Variants in FRY observed in about 807,000 individuals in gnomAD.
FRY encodes FRY microtubule binding protein, also known as protein furry homolog.
In FRY, 128 loss-of-function variants were observed where a neutral mutation model predicts 348.4. The ratio of observed to expected loss-of-function variants is 0.37; its 90% CI spans 0.32 to 0.43. The LOEUF (loss-of-function observed/expected upper bound fraction) is 0.43. Among genes scored for constraint, FRY ranks in the 20% least tolerant of loss-of-function variants. The pLI, the probability that FRY is intolerant of heterozygous loss-of-function variation, is 1.00. For synonymous variants in FRY, 1,370 were observed against 1,374.7 expected, an observed-to-expected ratio of 1.00 and a Z score of 0.08; for missense variants, 2,736 against 3,695.2, an observed-to-expected ratio of 0.74 and a Z score of 6.73.
chr13:32,201,972 AACCTTGTTCT>A lies in FRY; in HGVS notation c.3780_3789del (p.Leu1261SerfsTer78). On this transcript the variant is annotated frameshift_variant, in exon 30 of 61. Coordinates refer to ENST00000542859, the MANE Select transcript of FRY (RefSeq NM_023037.3). LOFTEE classifies it high-confidence loss of function. ...TCCCTTCGACATAGTGACATTGTTA[AACCTTGTTCT>A]ATTCAAGGCCTCTGACACCAACAGA... 6.2e-7 allele frequency: 1 copy of A among 1,604,110 alleles called. No homozygotes were observed. Among genetic ancestry groups the A allele is most frequent in the Non-Finnish European group, 8.5e-7 (1 of 1,171,010 alleles).
At chr13:32,155,802 T>C (rs1881072314) in intron 15 of FRY, 140 bp downstream of exon 15, 1 of 623,188 alleles carries the variant, frequency 1.6e-6, no homozygotes, top group Non-Finnish European at 2.8e-6. Flanking sequence ...ATTGTTTTGA[T>C]TGATTCATGC....
At chr13:32,087,277 A>G (rs149003277) in intron 2 of FRY, among the ~76,000 whole-genome samples, 25 of 152,352 alleles carry the variant, frequency 1.6e-4, no homozygotes, top group African/African-American at 6.0e-4. Flanking sequence ...CAATTAGCTA[A>G]TGACAGCATT....
chr13:32,196,837 A>G (rs1883706457), intron 29 of FRY, among the ~76,000 whole-genome samples: 3 of 152,212 alleles, frequency 2.0e-5, no homozygotes, highest in Admixed American at 2.0e-4. Context: ...ATTTAGTACA[A>G]AAAATTGCTT....
intron 11 of FRY, among the ~76,000 whole-genome samples, chr13:32,144,089 G>T (rs1167234920): frequency 6.6e-6 from 1 of 151,882 alleles, no homozygotes; most frequent in Non-Finnish European, 1.5e-5. Flanking sequence ...CGAGTAGTCA[G>T]AATTTCTGAA....
At chr13:32,066,565 A>G (rs895042444) in intron 1 of FRY, among the ~76,000 whole-genome samples, 3 of 152,202 alleles carry the variant, frequency 2.0e-5, no homozygotes, top group Non-Finnish European at 2.9e-5. Flanking sequence ...CACCTTAATC[A>G]TCATAACAAG....
Position 32,278,484 on chromosome 13 carries a change from C to A in FRY, c.8405C>A (p.Ala2802Glu). The A allele has an allele frequency of 6.3e-7, 1 of 1,591,940 alleles. No homozygotes were observed. Among genetic ancestry groups the A allele is most frequent in the Non-Finnish European group, 8.6e-7 (1 of 1,159,890 alleles). The change falls in exon 58 of 61, where the codon GCA becomes GAA. Residue 2802 changes from alanine to glutamate, a missense_variant. Coordinates refer to ENST00000542859, the MANE Select transcript of FRY (RefSeq NM_023037.3). ...ATLSWLANCK[A>E]TFAGGSRDGV... Reference sequence around the variant, plus strand: ...TGACAGTGGCTTGCAAATTGTAAGGCAACATTTGCAGGGGGATCAAGAGAT... The same window carrying A: ...TGACAGTGGCTTGCAAATTGTAAGGAAACATTTGCAGGGGGATCAAGAGAT...
chr13:32,295,658 C>T lies in FRY; in HGVS notation c.*198C>T, dbSNP rs77761049. 2.7e-3 allele frequency: 1,654 copies of T among 607,718 alleles called. 23 individuals are homozygous for T. The highest frequency in any genetic ancestry group is 0.026 in the African/African-American group (1,404 of 54,216). The allele number at this position is 607,718 out of a possible 1,614,324, so 37.6% of individuals were successfully genotyped here. On this transcript the variant is annotated 3_prime_UTR_variant, in exon 61 of 61. Transcript: ENST00000542859. The stretch of plus-strand genomic sequence containing the variant: ...TAAGAACCAAGGTAGCTTAGAACGT[C>T]CTGGACAGACTCCACTCATCATGCT...
At chr13:32,137,762 A>G (rs1325361993) in intron 11 of FRY, among the ~76,000 whole-genome samples, 1 of 152,210 alleles carries the variant, frequency 6.6e-6, no homozygotes, top group Non-Finnish European at 1.5e-5. Context: ...TACCAGTTTG[A>G]TATTAGCTGC....
chr13:32,168,753 A>T (rs959558941), intron 17 of FRY, among the ~76,000 whole-genome samples: 1 of 152,228 alleles, frequency 6.6e-6, no homozygotes, highest in Non-Finnish European at 1.5e-5. Context: ...TCCCTGGCTC[A>T]GTGTAAATCT....
intron 28 of FRY, among the ~76,000 whole-genome samples, chr13:32,190,102 C>A (rs1182356398): frequency 1.3e-5 from 2 of 151,240 alleles, no homozygotes; most frequent in Non-Finnish European, 3.0e-5. Context: ...TACATTTATT[C>A]ATGAGAAAAA....
At chr13:32,152,761 T>C (rs2138151054) in intron 14 of FRY, among the ~76,000 whole-genome samples, 1 of 152,076 alleles carries the variant, frequency 6.6e-6, no homozygotes, top group East Asian at 1.9e-4. Context: ...AGAAAAAAGT[T>C]GATAAATTGA....
At chr13:32,289,555 C>A in intron 58 of FRY, 78 bp from the exon 59 acceptor site, 1 of 875,296 alleles carries the variant, frequency 1.1e-6, no homozygotes. Flanking sequence ...AAAAGTTTGT[C>A]TCCATTGAGA....
chr13:32,170,007 T>C (rs999654368), intron 17 of FRY, among the ~76,000 whole-genome samples: 1 of 152,204 alleles, frequency 6.6e-6, no homozygotes, highest in Non-Finnish European at 1.5e-5. Flanking sequence ...CTTAGGATTC[T>C]GGGGTGTTGA....
chr13:32,198,646 A>G (rs1883829116), intron 29 of FRY, among the ~76,000 whole-genome samples: 1 of 152,166 alleles, frequency 6.6e-6, no homozygotes, highest in Non-Finnish European at 1.5e-5. Context: ...ATCTAAGTAA[A>G]GGTCTTGGCA....
intron 1 of FRY, among the ~76,000 whole-genome samples, chr13:32,072,333 T>C (rs570926856): frequency 6.6e-6 from 1 of 152,330 alleles, no homozygotes; most frequent in South Asian, 2.1e-4. Context: ...TATTTTTTTT[T>C]ACATGATATT....
intron 2 of FRY, among the ~76,000 whole-genome samples, chr13:32,092,710 G>A (rs770485535): frequency 6.6e-6 from 1 of 152,294 alleles, no homozygotes; most frequent in South Asian, 2.1e-4. Context: ...AAAACTCAAA[G>A]AGAAACCCAG....
intron 53 of FRY, 74 bp downstream of exon 53, chr13:32,262,549 G>C: frequency 9.0e-7 from 1 of 1,105,184 alleles, no homozygotes; most frequent in Non-Finnish European, 1.4e-6. Flanking sequence ...AATTTTCTGA[G>C]AATTCTTAAG....
At position 32,291,126 on chromosome 13, in the gene FRY, A is replaced by C. The variant is rs560661210; in HGVS notation, c.8580+1383A>C. On this transcript the variant is annotated intron_variant, in intron 59 of 60. Coordinates refer to ENST00000542859, the MANE Select transcript of FRY (RefSeq NM_023037.3). ...GATTAAACCATGCCAGTGACAGCAG[A>C]GAAGTGAGGATGAAGCCTGGGAAAC... is the stretch of plus-strand genomic sequence containing the variant. 1.4e-3 allele frequency among the ~76,000 whole-genome samples: 211 copies of C among 152,218 alleles called. 2 individuals carry two copies. Among genetic ancestry groups the C allele is most frequent in the Middle Eastern group, 0.014 (4 of 294 alleles).
chr13:32,218,176 G>T (rs1286823163), intron 35 of FRY, among the ~76,000 whole-genome samples: 3 of 152,096 alleles, frequency 2.0e-5, no homozygotes, highest in Non-Finnish European at 4.4e-5. Flanking sequence ...CAAAGCAAAT[G>T]TTACCATTTT....
Sources: gnomAD v4.1 joint callset for allele counts (sites outside exome capture counted in the v4.1 genomes callset) on GRCh38, gnomAD v4.1.1 for gene constraint, MANE v1.5 for transcripts, NCBI Gene and HGNC (gene_info 2026-07-23, HGNC 2026-07-21) for gene names.